The following CAPN13 variants were observed in gnomAD, a reference collection of about 807,000 sequenced individuals.
CAPN13 encodes calpain-13.
In CAPN13, 90 loss-of-function variants were observed where a neutral mutation model predicts 98.4. That is an observed-to-expected ratio of 0.92 (90% CI 0.77 to 1.09). The LOEUF is 1.09. Ranked by LOEUF, CAPN13 falls within the 50% of genes least tolerant of loss-of-function variation. The probability of loss-of-function intolerance (pLI) is 0.00; values close to 1 mark genes in which losing one functional copy is unlikely to be tolerated. For missense variants in CAPN13, 887 were observed against 841.3 expected (o/e 1.05, Z -0.67); for synonymous variants, 330 against 305.5 (o/e 1.08, Z -0.84).
intron 1 of CAPN13, among the ~76,000 whole-genome samples, chr2:30,799,802 AG>A (rs1052473286): frequency 1.3e-5 from 2 of 152,150 alleles, no homozygotes; most frequent in Non-Finnish European, 2.9e-5. Context: ...GGCCAGGCGC[AG>A]TGGTTCACTC....
chr2:30,765,617 C>A (rs117377501), intron 5 of CAPN13, among the ~76,000 whole-genome samples: 1 of 152,346 alleles, frequency 6.6e-6, no homozygotes, highest in East Asian at 1.9e-4. Context: ...TGGACTGGAT[C>A]AGTCCTCAAC....
In CAPN13 at chr2:30,777,599, A is replaced by G; in HGVS notation, c.239T>C (p.Ile80Thr). 3 of 1,581,662 alleles carry G rather than the reference A, an allele frequency of 1.9e-6. No homozygotes were observed. The South Asian group carries it at 3.5e-5, about 18-fold the overall frequency. Residue 80 changes from isoleucine (I) to threonine (T), a missense_variant, in exon 3 of 23, where the codon ATA becomes ACA. Coordinates refer to ENST00000295055, the MANE Select transcript of CAPN13 (RefSeq NM_144575.3). ...TCCTTGTTGGATGTCAAATCTGCTT[A>G]TATCATCCAGGATGAAGTGAGGAGG... is the stretch of plus-strand genomic sequence containing the variant. ...GGPPHFILDDISRFDIQQGGA... is the reference protein window; with the variant it reads ...GGPPHFILDDTSRFDIQQGGA...
chr2:30,776,940 C>T (rs765874621), intron 3 of CAPN13, among the ~76,000 whole-genome samples: 1 of 152,178 alleles, frequency 6.6e-6, no homozygotes, highest in Non-Finnish European at 1.5e-5. Context: ...TTTCACCAGG[C>T]GAAGTTCAAG....
Position 30,758,140 on chromosome 2 carries a change from G to A in CAPN13, c.775-3C>T, listed in dbSNP as rs772081264. Reference sequence around the variant, plus strand: ...TCCCAGCCCCTTCGGTATTGAATCTGTAAAGAAAACAGAAAAGGAAACTCA... The same window carrying A: ...TCCCAGCCCCTTCGGTATTGAATCTATAAAGAAAACAGAAAAGGAAACTCA... On this transcript the variant is annotated splice_polypyrimidine_tract_variant and splice_region_variant and intron_variant, in intron 7 of 22. Transcript: ENST00000295055. 6.3e-7 allele frequency: 1 copy of A among 1,591,468 alleles called. No individual in the cohort carries two copies. The highest frequency in any genetic ancestry group is 8.5e-7 in the Non-Finnish European group (1 of 1,169,656).
At chr2:30,786,304 G>A (rs1674277025) in intron 2 of CAPN13, among the ~76,000 whole-genome samples, 1 of 152,198 alleles carries the variant, frequency 6.6e-6, no homozygotes, top group South Asian at 2.1e-4. Context: ...TCTAGGTTAT[G>A]CTGGTGCCTA....
intron 4 of CAPN13, among the ~76,000 whole-genome samples, chr2:30,773,593 CAGAGCATT>C (rs1673523422): frequency 6.6e-6 from 1 of 152,092 alleles, no homozygotes; most frequent in Non-Finnish European, 1.5e-5. Flanking sequence ...AACCCAAGGC[CAGAGCATT>C]AAATGCAACA....
chr2:30,750,572 G>A (rs551445490), intron 11 of CAPN13, among the ~76,000 whole-genome samples: 66 of 152,188 alleles, frequency 4.3e-4, no homozygotes, highest in Non-Finnish European at 7.5e-4. Context: ...CTCGACTTTG[G>A]TCTAAACGTA....
At chr2:30,730,434 G>A (rs6711743) in intron 22 of CAPN13, among the ~76,000 whole-genome samples, 9 of 151,924 alleles carry the variant, frequency 5.9e-5, no homozygotes, top group African/African-American at 1.4e-4. Flanking sequence ...TGCCCTTCCC[G>A]TGATGAGAGA....
At chr2:30,796,241 C>CATATAT (rs551265179) in intron 1 of CAPN13, among the ~76,000 whole-genome samples, 7 of 131,860 alleles carry the variant, frequency 5.3e-5, no homozygotes, top group Non-Finnish European at 1.1e-4. Flanking sequence ...TATATGTGTG[C>CATATAT]ATATATATAT....
chr2:30,762,142 A>G (rs1044074418), intron 7 of CAPN13, among the ~76,000 whole-genome samples: 2 of 152,228 alleles, frequency 1.3e-5, no homozygotes, highest in Non-Finnish European at 2.9e-5. Flanking sequence ...CTAAAGAGAC[A>G]GAGTGTCCAG....
At chr2:30,769,400 T>C (rs780641158) in intron 5 of CAPN13, among the ~76,000 whole-genome samples, 7 of 152,160 alleles carry the variant, frequency 4.6e-5, no homozygotes, top group African/African-American at 1.7e-4. Flanking sequence ...TGCAGTCTCA[T>C]AGGAGGAGAC....
chr2:30,764,077 C>A (rs1672983286), intron 6 of CAPN13, 55 bp downstream of exon 6: 9 of 1,504,868 alleles, frequency 6.0e-6, no homozygotes, highest in Non-Finnish European at 8.1e-6. Flanking sequence ...CCTGGCTGAG[C>A]ATTCCTGGCT....
intron 18 of CAPN13, among the ~76,000 whole-genome samples, chr2:30,735,121 CAACCGG>C (rs1289852538): frequency 2.0e-5 from 3 of 152,196 alleles, no homozygotes; most frequent in African/African-American, 7.2e-5. Flanking sequence ...CAGAAGGTGG[CAACCGG>C]AACATATCAC....
Position 30,731,400 on chromosome 2 carries a change from C to T in CAPN13, c.1928-1G>A, listed in dbSNP as rs1346198183. 1.9e-5 allele frequency: 30 copies of T among 1,607,818 alleles called. No individual in the cohort carries two copies. The highest frequency in any genetic ancestry group is 2.5e-5 in the Non-Finnish European group (29 of 1,176,998). On this transcript the variant is annotated splice_acceptor_variant, in intron 20 of 22. Coordinates refer to ENST00000295055, the MANE Select transcript of CAPN13 (RefSeq NM_144575.3). LOFTEE classifies it high-confidence loss of function. ...TCCTTAGAGAGGTTGCGGAAGGTCT[C>T]TAGGATAAAGAAGGGAAGGTTTTGA...
chr2:30,745,201 C>T, intron 12 of CAPN13: 2 of 472,356 alleles, frequency 4.2e-6, no homozygotes, highest in Admixed American at 2.3e-5. Flanking sequence ...CAAACTCCAC[C>T]TGTCTTTCTC....
At chr2:30,765,039 G>A (rs901850463) in intron 5 of CAPN13, among the ~76,000 whole-genome samples, 3 of 152,050 alleles carry the variant, frequency 2.0e-5, no homozygotes, top group Admixed American at 6.6e-5. Flanking sequence ...CTTCTCCAAA[G>A]CATCTCTTCC....
At chr2:30,766,754 T>C (rs1183124988) in intron 5 of CAPN13, among the ~76,000 whole-genome samples, 1 of 152,196 alleles carries the variant, frequency 6.6e-6, no homozygotes, top group Non-Finnish European at 1.5e-5. Flanking sequence ...AGAGATCCCA[T>C]AAAGGATGGG....
At chr2:30,734,598 G>T in intron 18 of CAPN13, 74 bp from the exon 19 acceptor site, 3 of 1,239,486 alleles carry the variant, frequency 2.4e-6, no homozygotes, top group South Asian at 1.3e-5. Flanking sequence ...CATCCTGGGA[G>T]CTTGCTTCCC....
chr2:30,742,017 C>A, intron 14 of CAPN13, 53 bp from the exon 15 acceptor site: 1 of 1,524,504 alleles, frequency 6.6e-7, no homozygotes, highest in South Asian at 1.1e-5. Flanking sequence ...GGAGGCCACC[C>A]ATCTGGTACA....
Sources: gnomAD v4.1 joint callset for allele counts (sites outside exome capture counted in the v4.1 genomes callset) on GRCh38, gnomAD v4.1.1 for gene constraint, MANE v1.5 for transcripts, NCBI Gene and HGNC (gene_info 2026-07-23, HGNC 2026-07-21) for gene names.